The following GSE1 variants were observed in gnomAD, a reference collection of about 807,000 sequenced individuals.
The protein encoded by GSE1 is genetic suppressor element 1.
In GSE1, 32 loss-of-function variants were observed where a neutral mutation model predicts 112.6. The ratio of observed to expected loss-of-function variants is 0.28; its 90% CI spans 0.21 to 0.38. GSE1 has a LOEUF of 0.38. GSE1 is among the 10% of genes least tolerant of loss of function. The pLI is 1.00. For missense variants in GSE1, 2,348 were observed against 1,699.2 expected (o/e 1.38, Z -6.71); for synonymous variants, 1,115 against 735.6 (o/e 1.52, Z -8.35).
upstream of GSE1, chr16:85,555,388 C>CA (rs1167586621): frequency 1.7e-5 from 16 of 916,754 alleles, 1 homozygote; most frequent in Admixed American, 1.3e-4. Context: ...GGGAGATAAC[C>CA]AAAAAAGGGG....
At chr16:85,528,638 T>TTTTG (rs2052441703) in intron 2 of GSE1, among the ~76,000 whole-genome samples, 4 of 145,082 alleles carry the variant, frequency 2.8e-5, no homozygotes, top group East Asian at 2.0e-4. Flanking sequence ...GGATTGCTGT[T>TTTTG]TTTTGTTTTG....
At chr16:85,371,595 G>T (rs116097230) in intron 2 of GSE1, among the ~76,000 whole-genome samples, 162 of 152,290 alleles carry the variant, frequency 1.1e-3, no homozygotes, top group African/African-American at 3.6e-3. Flanking sequence ...CAGCCTTCTG[G>T]GCACTCCCTG....
Position 85,562,831 on chromosome 16 carries a change from C to T in GSE1, c.37+6468C>T, listed in dbSNP as rs13337164. Among the ~76,000 whole-genome samples the T allele has an allele frequency of 1.6e-3, 250 of 152,176 alleles. 2 individuals carry two copies. The highest frequency in any genetic ancestry group is 5.6e-3 in the African/African-American group (231 of 41,512). ...TGAGATCACAGCGGTCAGGAGACCTCGCAGGCCTGTTGACTTCAAATTCTC... is the reference window on the plus strand; with the variant it reads ...TGAGATCACAGCGGTCAGGAGACCTTGCAGGCCTGTTGACTTCAAATTCTC... On this transcript the variant is annotated intron_variant, in intron 1 of 2. Transcript: ENST00000635906.
intron 1 of GSE1, among the ~76,000 whole-genome samples, chr16:85,561,129 CAA>C (rs763772429): frequency 9.7e-5 from 13 of 133,502 alleles, no homozygotes; most frequent in Non-Finnish European, 9.8e-5. Flanking sequence ...GACCTTGTCT[CAA>C]AAAAAAAAAA....
At chr16:85,459,810 T>C (rs1166971804) in intron 2 of GSE1, among the ~76,000 whole-genome samples, 2 of 152,248 alleles carry the variant, frequency 1.3e-5, no homozygotes, top group African/African-American at 4.8e-5. Context: ...TCTTGAGCAC[T>C]TGTTTTGTGC....
intron 1 of GSE1, among the ~76,000 whole-genome samples, chr16:85,633,028 C>T (rs533119332): frequency 2.7e-3 from 411 of 152,268 alleles, no homozygotes; most frequent in South Asian, 3.9e-3. Context: ...CCGCCGCCGC[C>T]GCTGTCACCA....
intron 1 of GSE1, among the ~76,000 whole-genome samples, chr16:85,572,461 CACA>C (rs1410204202): frequency 1.0e-5 from 1 of 100,464 alleles, no homozygotes; most frequent in Admixed American, 1.1e-4. Flanking sequence ...ATACCACACA[CACA>C]ACACACATCA....
intron 2 of GSE1, among the ~76,000 whole-genome samples, chr16:85,403,677 C>G (rs1005877214): frequency 2.6e-5 from 4 of 152,026 alleles, no homozygotes; most frequent in Admixed American, 2.6e-4. Context: ...TAGCACATGC[C>G]TGTGGTCCCA....
In GSE1 at chr16:85,627,044, C is replaced by CTTTTTTTTTTTTTTTTT; in HGVS notation, c.8-6854_8-6838dup. Among the ~76,000 whole-genome samples, 160 of 25,070 alleles carry CTTTTTTTTTTTTTTTTT rather than the reference C, an allele frequency of 6.4e-3. 30 individuals carry two copies. The highest frequency in any genetic ancestry group is 0.056 in the Middle Eastern group (1 of 18). The allele number at this position is 25,070 out of a possible 152,430, so 16.4% of individuals were successfully genotyped here. A position where few individuals can be genotyped will look rare whatever the true frequency, so the allele number is the denominator to read the frequency against. On this transcript the variant is annotated intron_variant, in intron 1 of 15. Coordinates refer to ENST00000253458, the MANE Select transcript of GSE1 (RefSeq NM_014615.5). Reference sequence around the variant, plus strand: ...GGACTTTGCTTCCTTTTCTTCTTGCCTTTTTTTTTTTTTTTTTTTTTTTTT... The same window carrying CTTTTTTTTTTTTTTTTT: ...GGACTTTGCTTCCTTTTCTTCTTGCCTTTTTTTTTTTTTTTTTTTTTTTTTTTTTTTTTTTTTTTTTT...
intron 1 of GSE1, among the ~76,000 whole-genome samples, chr16:85,230,910 G>T (rs558085587): frequency 7.4e-4 from 113 of 151,716 alleles, no homozygotes; most frequent in African/African-American, 2.6e-3. Flanking sequence ...TGGATAGAAT[G>T]GAATGGATGG....
At chr16:85,304,603 G>GA (rs200337487) in intron 1 of GSE1, among the ~76,000 whole-genome samples, 1 of 126,164 alleles carries the variant, frequency 7.9e-6, no homozygotes, top group Admixed American at 7.4e-5. Context: ...GCCGGGGGCG[G>GA]GGGGGTGGGG....
intron 2 of GSE1, among the ~76,000 whole-genome samples, chr16:85,380,768 C>A (rs571484819): frequency 1.3e-5 from 2 of 152,178 alleles, no homozygotes; most frequent in Admixed American, 6.5e-5. Context: ...CATCCAGCCT[C>A]GCAAACAGCC....
chr16:85,613,258 C>G (rs1348566242), upstream of GSE1: 8 of 1,526,808 alleles, frequency 5.2e-6, no homozygotes, highest in Non-Finnish European at 6.2e-6. Flanking sequence ...GCCGGGGCCC[C>G]GGAAGCTCCA....
rs144561877 is a variant in GSE1 at position 85,453,198 on chromosome 16, C to A, written c.2464+95555C>A. Among the ~76,000 whole-genome samples, 12 of 152,238 alleles carry A rather than the reference C, an allele frequency of 7.9e-5. 1 individual carries two copies. In the East Asian group the frequency reaches 2.3e-3, roughly 29 times the overall value. On this transcript the variant is annotated intron_variant, in intron 2 of 2. Transcript: ENST00000637419. ...AAGGTTCTAGATTTAGACATTGGCA[C>A]GGCTGATGGGGGTGTGAAGGAAAGC...
chr16:85,631,518 C>T (rs769485066), intron 1 of GSE1, among the ~76,000 whole-genome samples: 4 of 152,240 alleles, frequency 2.6e-5, no homozygotes, highest in African/African-American at 4.8e-5. Context: ...GGGTGAGCAT[C>T]GCAGACTCAG....
At chr16:85,636,515 C>G (rs769744098) in intron 2 of GSE1, among the ~76,000 whole-genome samples, 16 of 152,236 alleles carry the variant, frequency 1.1e-4, no homozygotes, top group Admixed American at 5.9e-4. Context: ...GGTCCCCATT[C>G]TCATGGAGTC....
At chr16:85,602,520 C>A (rs1412101661) in intron 1 of GSE1, among the ~76,000 whole-genome samples, 1 of 152,084 alleles carries the variant, frequency 6.6e-6, no homozygotes, top group African/African-American at 2.4e-5. Flanking sequence ...CTTGCCGGAT[C>A]CCTGCCCGAC....
At chr16:85,392,595 T>G (rs1015932652) in intron 2 of GSE1, among the ~76,000 whole-genome samples, 1 of 152,220 alleles carries the variant, frequency 6.6e-6, no homozygotes, top group Non-Finnish European at 1.5e-5. Context: ...AAAGCTGTTA[T>G]ATTGAAAAAG....
chr16:85,568,203 G>T (rs560900514), intron 1 of GSE1, among the ~76,000 whole-genome samples: 3 of 152,218 alleles, frequency 2.0e-5, no homozygotes, highest in African/African-American at 4.8e-5. Context: ...AAGGAAAGAG[G>T]TTCCATCTTC....
Sources: gnomAD v4.1 joint callset for allele counts (sites outside exome capture counted in the v4.1 genomes callset) on GRCh38, gnomAD v4.1.1 for gene constraint, MANE v1.5 for transcripts, NCBI Gene and HGNC (gene_info 2026-07-23, HGNC 2026-07-21) for gene names.